Variants in GARNL3 observed in about 807,000 individuals in gnomAD.
The protein encoded by GARNL3 is GTPase activating Rap/RanGAP domain like 3.
A neutral mutation model predicts 125.0 loss-of-function variants in GARNL3; 63 were observed. The observed-to-expected ratio is 0.50, with a 90% confidence interval of 0.41 to 0.62. The LOEUF (loss-of-function observed/expected upper bound fraction) is 0.62, where lower values mean the gene tolerates loss of function less well. Among genes scored for constraint, GARNL3 ranks in the 20% least tolerant of loss-of-function variants. The probability of loss-of-function intolerance (pLI) is 0.00; values close to 1 mark genes in which losing one functional copy is unlikely to be tolerated. For synonymous variants in GARNL3, 439 were observed against 457.5 expected, an observed-to-expected ratio of 0.96 and a Z score of 0.52; for missense variants, 994 against 1,244.0, an observed-to-expected ratio of 0.80 and a Z score of 3.02.
At chr9:127,304,530 CTTTTTT>C (rs61493807) in intron 2 of GARNL3, among the ~76,000 whole-genome samples, 4 of 99,220 alleles carry the variant, frequency 4.0e-5, no homozygotes, top group Non-Finnish European at 7.8e-5. Context: ...TGGCTTTATT[CTTTTTT>C]TTTTTTTTTT....
At chr9:127,309,333 A>C (rs1342123028) in intron 2 of GARNL3, among the ~76,000 whole-genome samples, 1 of 152,246 alleles carries the variant, frequency 6.6e-6, no homozygotes, top group Non-Finnish European at 1.5e-5. Flanking sequence ...GGGATAAAAT[A>C]GAATCTATCT....
At chr9:127,342,892 C>CTTTTTTT (rs59554997) in intron 14 of GARNL3, among the ~76,000 whole-genome samples, 1 of 81,604 alleles carries the variant, frequency 1.2e-5, no homozygotes, top group African/African-American at 4.1e-5. Context: ...GTGCTCTTTT[C>CTTTTTTT]TTTTTTTTTT....
chr9:127,293,492 T>C (rs1193834517), intron 2 of GARNL3, among the ~76,000 whole-genome samples: 3 of 152,210 alleles, frequency 2.0e-5, no homozygotes, highest in African/African-American at 7.2e-5. Context: ...TTTTTTTTCT[T>C]TCATTGCTGG....
chr9:127,271,764 T>C (rs1238895252), intron 1 of GARNL3, among the ~76,000 whole-genome samples: 3 of 150,278 alleles, frequency 2.0e-5, no homozygotes, highest in Non-Finnish European at 4.4e-5. Flanking sequence ...CCAGCCCAGC[T>C]GCTGACTCTC....
At chr9:127,323,647 G>A (rs569867067) in intron 6 of GARNL3, among the ~76,000 whole-genome samples, 1 of 152,306 alleles carries the variant, frequency 6.6e-6, no homozygotes, top group East Asian at 1.9e-4. Context: ...TGGCGTGGGT[G>A]TTAAAAGGAC....
rs148910416 is a variant in GARNL3, at chr9:127,386,790, A to G, written c.2389-403A>G. On this transcript the variant is annotated intron_variant, in intron 24 of 27. Transcript: ENST00000373387. The stretch of plus-strand genomic sequence containing the variant: ...GGTGTGCCTGAGTATCTGCTGGATC[A>G]GTGAATGAAGAATCCATTTCCCCAT... Among the ~76,000 whole-genome samples, 174 of 152,354 alleles carry G rather than the reference A, an allele frequency of 1.1e-3. No homozygotes were observed. The Middle Eastern group carries it at 0.014, about 12-fold the overall frequency.
At chr9:127,299,866 AT>A (rs373719547) in intron 2 of GARNL3, among the ~76,000 whole-genome samples, 22 of 149,206 alleles carry the variant, frequency 1.5e-4, no homozygotes, top group Non-Finnish European at 2.4e-4. Flanking sequence ...TGCCCAGCCA[AT>A]TTTTTTTTGT....
rs1830287253 is a variant in GARNL3 at position 127,348,958 on chromosome 9, C to T, written c.1466C>T (p.Pro489Leu). ...WEPQCFCSNFPHEAVCADPWG... is the reference protein window; with the variant it reads ...WEPQCFCSNFLHEAVCADPWG... ...CCCCAGTGTTTCTGCAGTAATTTCC[C>T]TCATGAAGCCGTGTGTGCAGATCCC... The change falls in exon 17 of 28, where the codon CCT becomes CTT. Residue 489 changes from proline (P) to leucine (L), a missense_variant. Transcript: ENST00000373387. 6.2e-7 allele frequency: 1 copy of T among 1,613,644 alleles called. No homozygotes were observed. Among genetic ancestry groups the T allele is most frequent in the Non-Finnish European group, 8.5e-7 (1 of 1,179,880 alleles).
At chr9:127,298,652 G>A (rs1382119810) in intron 2 of GARNL3, among the ~76,000 whole-genome samples, 3 of 151,984 alleles carry the variant, frequency 2.0e-5, no homozygotes, top group Admixed American at 1.3e-4. Context: ...AGTTTTATGC[G>A]AGACTGGTTA....
At chr9:127,373,363 A>G (rs1831710347) in intron 22 of GARNL3, among the ~76,000 whole-genome samples, 1 of 152,240 alleles carries the variant, frequency 6.6e-6, no homozygotes, top group African/African-American at 2.4e-5. Flanking sequence ...ATAGGAATAT[A>G]GGTTAAATGT....
intron 2 of GARNL3, among the ~76,000 whole-genome samples, chr9:127,299,530 ACT>A (rs1179134053): frequency 6.6e-6 from 1 of 151,984 alleles, no homozygotes; most frequent in African/African-American, 2.4e-5. Context: ...TTCCTGAGTA[ACT>A]GGGATTACAG....
At chr9:127,323,763 ATATATATATATAC>A (rs2065477054) in intron 6 of GARNL3, among the ~76,000 whole-genome samples, 1 of 151,256 alleles carries the variant, frequency 6.6e-6, no homozygotes, top group Non-Finnish European at 1.5e-5. Context: ...CCCCCCATAA[ATATATATATATAC>A]ACCTACTGAT....
At chr9:127,359,489 CA>C (rs138594521) in intron 21 of GARNL3, among the ~76,000 whole-genome samples, 49,452 of 144,728 alleles carry the variant, frequency 0.34, 8,399 homozygotes, top group Middle Eastern at 0.47. Context: ...ACTCCGTCTC[CA>C]AAAAAAAAAA....
chr9:127,390,915 C>T, intron 27 of GARNL3, 148 bp downstream of exon 27: 1 of 747,468 alleles, frequency 1.3e-6, no homozygotes, highest in Non-Finnish European at 2.2e-6. Flanking sequence ...TCTGAGGGTC[C>T]CCAGACCCTC....
chr9:127,235,672 G>A (rs1384302832), intron 1 of GARNL3, among the ~76,000 whole-genome samples: 1 of 152,034 alleles, frequency 6.6e-6, no homozygotes, highest in Non-Finnish European at 1.5e-5. Context: ...AAAACAAAGA[G>A]GGAATGATTT....
intron 1 of GARNL3, among the ~76,000 whole-genome samples, chr9:127,269,290 G>A (rs999677070): frequency 3.0e-4 from 45 of 152,172 alleles, no homozygotes; most frequent in African/African-American, 1.0e-3. Context: ...ATGAGCCACC[G>A]CACCCAGCGT....
At position 127,392,150 on chromosome 9, in the gene GARNL3, C is replaced by T. The variant is rs1832903981; in HGVS notation, c.2871-933C>T. On this transcript the variant is annotated intron_variant, in intron 27 of 27. Transcript: ENST00000373387. This position sits in a 1 kb window ranked among gnomAD's most constrained non-coding sequence, Gnocchi z 5.2. ...CACCTGGGGCAGGGAGGGTCTCAAACATCAGGGGAGGCTGAGCCTCCTCTC... is the reference window on the plus strand; with the variant it reads ...CACCTGGGGCAGGGAGGGTCTCAAATATCAGGGGAGGCTGAGCCTCCTCTC... Among the ~76,000 whole-genome samples, 1 of 152,226 alleles carries T rather than the reference C, an allele frequency of 6.6e-6. No homozygotes were observed. Among genetic ancestry groups the T allele is most frequent in the Non-Finnish European group, 1.5e-5 (1 of 68,036 alleles).
intron 1 of GARNL3, among the ~76,000 whole-genome samples, chr9:127,268,642 G>A (rs1337848224): frequency 1.3e-5 from 2 of 152,124 alleles, no homozygotes; most frequent in South Asian, 2.1e-4. Context: ...TCATATTGGT[G>A]TACAACCATC....
chr9:127,382,691 C>G (rs1832332274), intron 22 of GARNL3, among the ~76,000 whole-genome samples: 1 of 152,152 alleles, frequency 6.6e-6, no homozygotes, highest in African/African-American at 2.4e-5. Flanking sequence ...TCTCCACTGA[C>G]TTTCTCACTC....
Sources: allele counts gnomAD v4.1 joint callset (sites outside exome capture counted in the v4.1 genomes callset), GRCh38; gene constraint gnomAD v4.1.1; non-coding constraint Gnocchi (gnomAD v3.1); transcripts MANE v1.5; gene names NCBI Gene and HGNC (gene_info 2026-07-23, HGNC 2026-07-21).